DCTN4: variants seen among roughly 807,000 people sequenced by gnomAD.
DCTN4 encodes the protein dynactin subunit 4.
DCTN4 carries 23 observed loss-of-function variants against 62.7 expected under a neutral mutation model. That is an observed-to-expected ratio of 0.37 (90% CI 0.26 to 0.52). The LOEUF (loss-of-function observed/expected upper bound fraction) is 0.52. DCTN4 is among the 20% of genes least tolerant of loss of function. The probability of loss-of-function intolerance (pLI) is 0.92; values close to 1 mark genes in which losing one functional copy is unlikely to be tolerated. For synonymous variants in DCTN4, 199 were observed against 202.1 expected, an observed-to-expected ratio of 0.98 and a Z score of 0.13; for missense variants, 514 against 580.4, an observed-to-expected ratio of 0.89 and a Z score of 1.18.
chr5:150,753,766 C>A, intron 2 of DCTN4, 109 bp from the exon 3 acceptor site: 1 of 1,137,112 alleles, frequency 8.8e-7, no homozygotes, highest in Admixed American at 2.6e-5. Flanking sequence ...TAACATTCTG[C>A]AGGCCTCTTA....
At chr5:150,748,253 G>A (rs1368418816) in intron 3 of DCTN4, among the ~76,000 whole-genome samples, 1 of 149,494 alleles carries the variant, frequency 6.7e-6, no homozygotes, top group Admixed American at 6.6e-5. Flanking sequence ...TCTCACACCA[G>A]TTAGAATGGC....
chr5:150,731,778 C>A (rs1760379606), intron 5 of DCTN4: 1 of 1,065,506 alleles, frequency 9.4e-7, no homozygotes, highest in Non-Finnish European at 1.4e-6. Context: ...ACGGCTCAGG[C>A]AAGAACTATG....
chr5:150,742,827 A>T (rs1175056469), intron 3 of DCTN4: 1 of 153,610 alleles, frequency 6.5e-6, no homozygotes, highest in Non-Finnish European at 1.4e-5. Flanking sequence ...CCTTGAAAAG[A>T]GCAAGACTTA....
intron 8 of DCTN4, among the ~76,000 whole-genome samples, chr5:150,729,041 G>GTTTTTT (rs1561696053): frequency 2.5e-5 from 2 of 79,148 alleles, no homozygotes; most frequent in African/African-American, 1.9e-4. Context: ...CACCACACTG[G>GTTTTTT]CTTTTTTTTT....
At chr5:150,733,497 A>C in intron 4 of DCTN4, 22 bp from the exon 5 acceptor site, 1 of 1,572,048 alleles carries the variant, frequency 6.4e-7, no homozygotes, top group South Asian at 1.1e-5. Flanking sequence ...TCACAGACTC[A>C]GTACACAAAA....
chr5:150,725,074 C>T (rs1368134938), intron 8 of DCTN4, among the ~76,000 whole-genome samples: 3 of 145,836 alleles, frequency 2.1e-5, no homozygotes, highest in Non-Finnish European at 4.5e-5. Context: ...AGGAGAATGG[C>T]GTGAACCTGG....
chr5:150,736,640 C>A (rs1273679522), intron 4 of DCTN4, among the ~76,000 whole-genome samples: 3 of 152,046 alleles, frequency 2.0e-5, no homozygotes, highest in Non-Finnish European at 4.4e-5. Flanking sequence ...CCTTGAAACA[C>A]ACCAAAATAT....
At chr5:150,728,147 G>A (rs938351537) in intron 8 of DCTN4, among the ~76,000 whole-genome samples, 7 of 151,984 alleles carry the variant, frequency 4.6e-5, no homozygotes, top group Admixed American at 1.3e-4. Flanking sequence ...AGTACTAAAT[G>A]GAAATAAAGT....
intron 1 of DCTN4, 116 bp downstream of exon 1, chr5:150,758,743 G>A: frequency 6.9e-7 from 1 of 1,448,636 alleles, no homozygotes; most frequent in South Asian, 1.3e-5. Context: ...CCGAGTGACG[G>A]AAGACATAAC....
intron 11 of DCTN4, among the ~76,000 whole-genome samples, chr5:150,717,498 T>C (rs1581565084): frequency 1.3e-5 from 2 of 152,350 alleles, no homozygotes; most frequent in East Asian, 3.9e-4. Context: ...TCCACTCACC[T>C]TGGCCTCCCA....
At chr5:150,749,379 T>G (rs551571490) in intron 3 of DCTN4, among the ~76,000 whole-genome samples, 1 of 152,160 alleles carries the variant, frequency 6.6e-6, no homozygotes, top group East Asian at 1.9e-4. Context: ...AAAATGCAAA[T>G]TAAAACCACA....
Position 150,753,489 on chromosome 5 carries a change from G to T in DCTN4, c.375C>A (p.Asp125Glu). 6.2e-7 allele frequency: 1 copy of T among 1,613,460 alleles called. No individual in the cohort carries two copies. The change falls in exon 3 of 13, where the codon GAC becomes GAA. Residue 125 changes from aspartate to glutamate, a missense_variant. Coordinates refer to ENST00000447998, the MANE Select transcript of DCTN4 (RefSeq NM_016221.4). Reference protein sequence around the residue: ...RWTSRDVGMADKSVASGGWQE... With the variant: ...RWTSRDVGMAEKSVASGGWQE... The stretch of plus-strand genomic sequence containing the variant: ...GTCCATCTCACTCACCTACAGATTT[G>T]TCTGCCATGCCCACATCTCTAGACG...
chr5:150,730,794 C>A (rs1760332691), intron 7 of DCTN4, 54 bp from the exon 8 acceptor site: 1 of 1,435,360 alleles, frequency 7.0e-7, no homozygotes, highest in African/African-American at 1.4e-5. Flanking sequence ...CAAAATCAGA[C>A]TTTTATGTAC....
At chr5:150,713,852 C>T (rs894180344) in intron 12 of DCTN4, among the ~76,000 whole-genome samples, 2 of 152,090 alleles carry the variant, frequency 1.3e-5, no homozygotes, top group Non-Finnish European at 2.9e-5. Flanking sequence ...CATGGTGGCT[C>T]ACGCCTGTAA....
In DCTN4 at chr5:150,737,359, G is replaced by A. The variant is rs144273592; in HGVS notation, c.430-3884C>T. Reference sequence around the variant, plus strand: ...GAATATTCTCTAAGATAGAACATACGAGAGGCCACAAAACACGTCTCAATA... The same window carrying A: ...GAATATTCTCTAAGATAGAACATACAAGAGGCCACAAAACACGTCTCAATA... On this transcript the variant is annotated intron_variant, in intron 4 of 12. Coordinates refer to ENST00000447998, the MANE Select transcript of DCTN4 (RefSeq NM_016221.4). Among the ~76,000 whole-genome samples, 744 of 152,122 alleles carry A rather than the reference G, an allele frequency of 4.9e-3. 2 individuals carry two copies. The highest frequency in any genetic ancestry group is 0.017 in the African/African-American group (702 of 41,502).
chr5:150,747,022 T>C (rs1000180638), intron 3 of DCTN4, among the ~76,000 whole-genome samples: 2 of 152,108 alleles, frequency 1.3e-5, no homozygotes, highest in African/African-American at 2.4e-5. Context: ...GATGACATGA[T>C]TGTATATCTA....
At chr5:150,720,002 G>A (rs997080005) in intron 9 of DCTN4, among the ~76,000 whole-genome samples, 4 of 151,930 alleles carry the variant, frequency 2.6e-5, no homozygotes, top group African/African-American at 9.7e-5. Context: ...AAACTGCCCA[G>A]GCCCCAGATT....
intron 1 of DCTN4, chr5:150,758,411 G>T (rs143416612): frequency 5.0e-6 from 5 of 990,260 alleles, no homozygotes; most frequent in African/African-American, 3.5e-5. Flanking sequence ...GCAGTCTGAC[G>T]AGGGCCCAGT....
rs764107535 is a variant in DCTN4 at position 150,756,505 on chromosome 5, A to G, written c.136-18T>C. ...GAGTCCACCTAGGAGGAAACAAGAA[A>G]GAAAAAAAAAACCAGAGGAGAACTC... is the stretch of plus-strand genomic sequence containing the variant. On this transcript the variant is annotated intron_variant, in intron 1 of 12. Transcript: ENST00000447998. 86 of 1,542,362 alleles carry G rather than the reference A, an allele frequency of 5.6e-5. No homozygotes were observed. In the Admixed American group the frequency reaches 6.0e-4, roughly 11 times the overall value.
Sources: allele counts gnomAD v4.1 joint callset (sites outside exome capture counted in the v4.1 genomes callset), GRCh38; gene constraint gnomAD v4.1.1; transcripts MANE v1.5; gene names NCBI Gene and HGNC (gene_info 2026-07-23, HGNC 2026-07-21).